PCDHGB3: variants seen among roughly 807,000 people sequenced by gnomAD.
PCDHGB3 encodes protocadherin gamma-B3.
Under a neutral mutation model 59.2 loss-of-function variants are expected in PCDHGB3, and 40 were observed. The observed-to-expected ratio is 0.68, with a 90% CI of 0.52 to 0.88. The LOEUF is 0.88. Ranked by LOEUF, PCDHGB3 falls within the 40% of genes least tolerant of loss-of-function variation. The pLI is 0.00. For missense variants in PCDHGB3, 1,309 were observed against 1,187.9 expected, an observed-to-expected ratio of 1.10 and a Z score of -1.50; for synonymous variants, 581 against 503.6, an observed-to-expected ratio of 1.15 and a Z score of -2.06.
rs759742074 is a variant in PCDHGB3 at position 141,403,012 on chromosome 5, G to T, written c.2415+30203G>T. On this transcript the variant is annotated intron_variant, in intron 1 of 3. Transcript: ENST00000576222. ...GATTAGTCCTGCTATGCTCGCTCCT[G>T]GGGATGCTATGGGAGGCCAGGGCCA... 8.1e-6 allele frequency: 13 copies of T among 1,614,072 alleles called. 1 individual carries two copies. The South Asian group carries it at 1.4e-4, about 18-fold the overall frequency.
At chr5:141,380,893 A>G (rs1776824840) in intron 1 of PCDHGB3, among the ~76,000 whole-genome samples, 2 of 152,246 alleles carry the variant, frequency 1.3e-5, no homozygotes, top group East Asian at 3.8e-4. Flanking sequence ...TTTGTTTGAA[A>G]ATATCTACAA....
intron 1 of PCDHGB3, among the ~76,000 whole-genome samples, chr5:141,455,290 T>C (rs551962783): frequency 5.3e-5 from 8 of 152,206 alleles, no homozygotes; most frequent in East Asian, 1.9e-4. Flanking sequence ...TCACTTTACA[T>C]AGTTTCATCT....
chr5:141,395,544 G>T (rs1352260391), intron 1 of PCDHGB3: 4 of 11,560 alleles, frequency 3.5e-4, no homozygotes, highest in African/African-American at 5.6e-4. Flanking sequence ...GCTATTGTTT[G>T]TGTGTGTGTG....
At chr5:141,448,999 G>GT (rs910018882) in intron 1 of PCDHGB3, among the ~76,000 whole-genome samples, 19 of 151,698 alleles carry the variant, frequency 1.3e-4, no homozygotes, top group South Asian at 2.1e-4. Flanking sequence ...ATAGAAAGCT[G>GT]TTTTTTTTAA....
chr5:141,399,194 C>A (rs770516092), intron 1 of PCDHGB3: 24 of 1,613,720 alleles, frequency 1.5e-5, no homozygotes, highest in Non-Finnish European at 1.5e-5. Context: ...CTGGAAAACG[C>A]GGTGCCTGGA....
Position 141,371,522 on chromosome 5 carries a change from T to C in PCDHGB3, c.1128T>C (p.Ser376=). The C allele has an allele frequency of 3.1e-6, 5 of 1,613,848 alleles. No individual in the cohort carries two copies. The highest frequency in any genetic ancestry group is 4.2e-6 in the Non-Finnish European group (5 of 1,179,822). ...TGATCAAAACACATGATCTAGATTC[T>C]GGATTTAATGGAGAAATCCTATGCC... The part of the protein sequence containing the change: ...VALIKTHDLD[S]GFNGEILCQL... Residue 376 remains serine, a synonymous_variant, in exon 1 of 4, where the codon TCT becomes TCC. Coordinates refer to ENST00000576222, the MANE Select transcript of PCDHGB3 (RefSeq NM_018924.5).
chr5:141,454,917 C>T (rs1185153715), intron 1 of PCDHGB3, among the ~76,000 whole-genome samples: 1 of 149,330 alleles, frequency 6.7e-6, no homozygotes, highest in Non-Finnish European at 1.5e-5. Flanking sequence ...ACGCCATTCT[C>T]CTGCCTCAGC....
At position 141,374,373 on chromosome 5, in the gene PCDHGB3, C is replaced by A. The variant is rs370590731; in HGVS notation, c.2415+1564C>A. 7.4e-6 allele frequency: 12 copies of A among 1,613,934 alleles called. No homozygotes were observed. Among genetic ancestry groups the A allele is most frequent in the Non-Finnish European group, 8.5e-7 (1 of 1,179,910 alleles). On this transcript the variant is annotated intron_variant, in intron 1 of 3. Transcript: ENST00000576222. ...AGGATAGACCGCGAGGAGCTCTGTGCTCAGAGCCCGCGGTGTCTGGTGAGT... is the reference window on the plus strand; with the variant it reads ...AGGATAGACCGCGAGGAGCTCTGTGATCAGAGCCCGCGGTGTCTGGTGAGT...
intron 1 of PCDHGB3, chr5:141,418,973 C>T: frequency 3.1e-6 from 5 of 1,613,916 alleles, no homozygotes; most frequent in Non-Finnish European, 3.4e-6. Context: ...CTTCAAAACA[C>T]GGGACCAAGA....
chr5:141,487,803 A>G lies in PCDHGB3; in HGVS notation c.2416-7004A>G. On this transcript the variant is annotated intron_variant, in intron 1 of 3. Transcript: ENST00000576222. The surrounding 1 kb of genome is among the most constrained non-coding windows in gnomAD (Gnocchi z 5.0). ...TTCGTGAATTAACCAGAGTTGTCAC[A>G]GTTTAGCATTGGGGGCGGGTCATGC... 2.0e-6 allele frequency: 3 copies of G among 1,466,166 alleles called. No individual in the cohort carries two copies. The highest frequency in any genetic ancestry group is 2.8e-6 in the Non-Finnish European group (3 of 1,084,448). The allele number at this position is 1,466,166 out of a possible 1,614,324, so 90.8% of individuals were successfully genotyped here. A position where few individuals can be genotyped will look rare whatever the true frequency, so the allele number is the denominator to read the frequency against.
Position 141,371,494 on chromosome 5 carries a change from C to A in PCDHGB3, c.1100C>A (p.Ala367Asp), listed in dbSNP as rs535024997. ...QEDAELGTAV[A>D]LIKTHDLDSG... ...GATGCTGAGCTGGGGACTGCCGTTG[C>A]CCTGATCAAAACACATGATCTAGAT... Residue 367 changes from alanine to aspartate, a missense_variant, in exon 1 of 4, where the codon GCC (alanine) becomes GAC (aspartate). Transcript: ENST00000576222. 20 of 1,613,888 alleles carry A rather than the reference C, an allele frequency of 1.2e-5. No individual in the cohort carries two copies. In the South Asian group the frequency reaches 1.9e-4, roughly 15 times the overall value.
chr5:141,422,744 T>C, intron 1 of PCDHGB3: 1 of 1,610,696 alleles, frequency 6.2e-7, no homozygotes, highest in Non-Finnish European at 8.5e-7. Flanking sequence ...TCCTCCTATG[T>C]CTCTATTAAC....
rs567061101 is a variant in PCDHGB3 at position 141,432,791 on chromosome 5, C to T, written c.2415+59982C>T. The T allele has an allele frequency of 2.7e-5, 44 of 1,614,064 alleles. No homozygotes were observed. Among genetic ancestry groups the T allele is most frequent in the Admixed American group, 8.3e-5 (5 of 60,034 alleles). On this transcript the variant is annotated intron_variant, in intron 1 of 3. Coordinates refer to ENST00000576222, the MANE Select transcript of PCDHGB3 (RefSeq NM_018924.5). The surrounding 1 kb of genome is among the most constrained non-coding windows in gnomAD (Gnocchi z 6.0). ...CCAAGTCCTGGCGGACCTCGGCAGC[C>T]TCGAGTCTCCAGCTAACTCTGAAAC... is the stretch of plus-strand genomic sequence containing the variant.
chr5:141,415,078 GC>G (rs2095826068), intron 1 of PCDHGB3: 1 of 1,613,376 alleles, frequency 6.2e-7, no homozygotes, highest in Non-Finnish European at 8.5e-7. Flanking sequence ...CACGGCGCGA[GC>G]CCTGCTGGAC....
At chr5:141,462,122 C>A (rs1437400069) in intron 1 of PCDHGB3, among the ~76,000 whole-genome samples, 3 of 152,044 alleles carry the variant, frequency 2.0e-5, no homozygotes, top group Admixed American at 6.6e-5. Context: ...TGCACCCAGT[C>A]CAATTTTTTG....
chr5:141,393,498 C>T lies in PCDHGB3; in HGVS notation c.2415+20689C>T, dbSNP rs780199451. The T allele has an allele frequency of 3.1e-6, 5 of 1,613,952 alleles. No homozygotes were observed. The highest frequency in any genetic ancestry group is 1.6e-4 in the Middle Eastern group (1 of 6,084). ...GCCTCGCTCTAGCACAGTGCGCATC[C>T]ACGTGACAGTGTTGGATACAAATGA... On this transcript the variant is annotated intron_variant, in intron 1 of 3. Transcript: ENST00000576222.
At chr5:141,413,117 C>T (rs902301902) in intron 1 of PCDHGB3, 42 of 1,509,002 alleles carry the variant, frequency 2.8e-5, no homozygotes, top group Non-Finnish European at 3.6e-5. Flanking sequence ...ACAAAGGAAC[C>T]GGTTGAAACA....
Position 141,371,292 on chromosome 5 carries a change from G to T in PCDHGB3, c.898G>T (p.Glu300Ter), listed in dbSNP as rs527250082. ...GTTCAAGCTGGACAGTAAAACGGGG[G>T]AACTCACCACTATTGGAGAACTGGA... is the stretch of plus-strand genomic sequence containing the variant. ...QLFKLDSKTG[E>*]LTTIGELDFE... is the part of the protein sequence containing the mutation. The change falls in exon 1 of 4, where the codon GAA becomes TAA. Residue 300 changes from glutamate to a stop codon, truncating the protein, a stop_gained. Transcript: ENST00000576222. LOFTEE classifies it high-confidence loss of function. 6.2e-7 allele frequency: 1 copy of T among 1,613,858 alleles called. No individual in the cohort carries two copies. The highest frequency in any genetic ancestry group is 1.1e-5 in the South Asian group (1 of 91,088).
intron 1 of PCDHGB3, among the ~76,000 whole-genome samples, chr5:141,463,572 C>T (rs1462125489): frequency 6.6e-6 from 1 of 151,572 alleles, no homozygotes; most frequent in African/African-American, 2.4e-5. Context: ...CCTCAGCCTC[C>T]CGAGTAGCTG....
Sources: gnomAD v4.1 joint callset for allele counts (sites outside exome capture counted in the v4.1 genomes callset) on GRCh38, gnomAD v4.1.1 for gene constraint, Gnocchi (gnomAD v3.1) non-coding constraint, MANE v1.5 for transcripts, NCBI Gene and HGNC (gene_info 2026-07-23, HGNC 2026-07-21) for gene names.